Variants in EXOC6B observed in about 807,000 individuals in gnomAD.
EXOC6B encodes the protein SEC15 homolog B.
Under a neutral mutation model 113.5 loss-of-function variants are expected in EXOC6B, and 54 were observed. That is an observed-to-expected ratio of 0.48 (90% CI 0.38 to 0.60). EXOC6B has a LOEUF of 0.60. EXOC6B is among the 20% of genes least tolerant of loss of function. The pLI, the probability that EXOC6B is intolerant of heterozygous loss-of-function variation, is 0.00. For missense variants in EXOC6B, 797 were observed against 977.5 expected (o/e 0.82, Z 2.46); for synonymous variants, 357 against 339.0 (o/e 1.05, Z -0.58).
intron 6 of EXOC6B, among the ~76,000 whole-genome samples, chr2:72,682,981 C>T (rs1676821113): frequency 6.6e-6 from 1 of 152,186 alleles, no homozygotes; most frequent in Admixed American, 6.5e-5. Flanking sequence ...CTATTCCTAA[C>T]TCCAACTAAT....
At chr2:72,396,591 T>G (rs1353182030) in intron 18 of EXOC6B, among the ~76,000 whole-genome samples, 7 of 152,080 alleles carry the variant, frequency 4.6e-5, no homozygotes, top group Admixed American at 4.6e-4. Flanking sequence ...TACTTAGGAC[T>G]CAGAATATGG....
intron 18 of EXOC6B, among the ~76,000 whole-genome samples, chr2:72,406,290 T>C (rs1693757333): frequency 6.6e-6 from 1 of 152,048 alleles, no homozygotes. Context: ...ATTAGACAGA[T>C]CAATGAGACA....
chr2:72,764,512 G>A (rs574766923), intron 1 of EXOC6B, among the ~76,000 whole-genome samples: 4 of 151,338 alleles, frequency 2.6e-5, no homozygotes, highest in Non-Finnish European at 5.9e-5. Context: ...GCTGAGACTA[G>A]AGGCATGTGC....
intron 17 of EXOC6B, among the ~76,000 whole-genome samples, chr2:72,476,698 A>AT (rs555556677): frequency 4.7e-4 from 71 of 151,378 alleles, no homozygotes; most frequent in Non-Finnish European, 8.7e-4. Flanking sequence ...TAGAATGTTT[A>AT]TTTTTTTAAA....
chr2:72,660,209 AT>A (rs1186044141), intron 6 of EXOC6B, among the ~76,000 whole-genome samples: 2 of 151,972 alleles, frequency 1.3e-5, no homozygotes, highest in Non-Finnish European at 2.9e-5. Context: ...AAAAAAAAAA[AT>A]AAAGCCATTG....
intron 11 of EXOC6B, among the ~76,000 whole-genome samples, chr2:72,511,369 AT>A (rs764156193): frequency 6.6e-5 from 10 of 152,116 alleles, no homozygotes; most frequent in Non-Finnish European, 5.9e-5. Context: ...TCACCTAAGC[AT>A]TTCCTTGATA....
At chr2:72,571,078 A>G (rs1704485398) in intron 7 of EXOC6B, among the ~76,000 whole-genome samples, 1 of 152,210 alleles carries the variant, frequency 6.6e-6, no homozygotes, top group Admixed American at 6.5e-5. Context: ...ATCTTCAAAT[A>G]TCTCAAAATT....
intron 6 of EXOC6B, among the ~76,000 whole-genome samples, chr2:72,700,240 A>ACACACT (rs1678216596): frequency 6.7e-6 from 1 of 149,120 alleles, no homozygotes; most frequent in South Asian, 2.1e-4. Context: ...CCACAGAAAC[A>ACACACT]CACACACACA....
chr2:72,484,238 T>G (rs949384664), intron 16 of EXOC6B, among the ~76,000 whole-genome samples: 6 of 151,744 alleles, frequency 4.0e-5, no homozygotes, highest in African/African-American at 1.5e-4. Flanking sequence ...GGTGGTTTGC[T>G]GCACCTATTG....
At chr2:72,422,654 G>A (rs529714733) in intron 18 of EXOC6B, among the ~76,000 whole-genome samples, 3 of 146,764 alleles carry the variant, frequency 2.0e-5, no homozygotes, top group Non-Finnish European at 4.5e-5. Context: ...TCTAGCTGCT[G>A]TGGTAGGGCC....
intron 19 of EXOC6B, among the ~76,000 whole-genome samples, chr2:72,368,519 C>T (rs1376158414): frequency 1.3e-5 from 2 of 152,188 alleles, no homozygotes; most frequent in Non-Finnish European, 2.9e-5. Flanking sequence ...TTTTATGAGG[C>T]CAGCATCATC....
At chr2:72,517,921 A>T (rs1299677034) in intron 8 of EXOC6B, among the ~76,000 whole-genome samples, 4 of 152,216 alleles carry the variant, frequency 2.6e-5, no homozygotes, top group Non-Finnish European at 4.4e-5. Context: ...CAATAGGATA[A>T]AAACAAAAGA....
At chr2:72,547,744 A>G (rs906184092) in intron 8 of EXOC6B, among the ~76,000 whole-genome samples, 2 of 152,178 alleles carry the variant, frequency 1.3e-5, no homozygotes, top group African/African-American at 4.8e-5. Flanking sequence ...CTGAATCAAT[A>G]AAGTTCATAA....
At chr2:72,188,645 A>G (rs1678604920) in intron 20 of EXOC6B, among the ~76,000 whole-genome samples, 1 of 152,176 alleles carries the variant, frequency 6.6e-6, no homozygotes, top group East Asian at 1.9e-4. Context: ...ACTGACTTTC[A>G]AGGTCAATCA....
chr2:72,567,288 C>T (rs924056857), intron 7 of EXOC6B, among the ~76,000 whole-genome samples: 1 of 151,952 alleles, frequency 6.6e-6, no homozygotes, highest in Non-Finnish European at 1.5e-5. Flanking sequence ...ACTGTAGGAT[C>T]AAAAGAACTG....
At chr2:72,748,770 G>A (rs1410621916) in intron 1 of EXOC6B, among the ~76,000 whole-genome samples, 14 of 151,964 alleles carry the variant, frequency 9.2e-5, no homozygotes, top group Admixed American at 8.5e-4. Flanking sequence ...AAGCAGGGTG[G>A]AGCAGCTTCA....
At chr2:72,674,659 G>A (rs927420486) in intron 6 of EXOC6B, among the ~76,000 whole-genome samples, 10 of 151,754 alleles carry the variant, frequency 6.6e-5, no homozygotes, top group African/African-American at 1.2e-4. Flanking sequence ...GTGAAACCCC[G>A]TCTCTACTAA....
intron 6 of EXOC6B, among the ~76,000 whole-genome samples, chr2:72,659,605 A>C (rs527799088): frequency 6.6e-6 from 1 of 152,216 alleles, no homozygotes; most frequent in African/African-American, 2.4e-5. Context: ...TTTGCATCCA[A>C]AATTTCACTA....
At chr2:72,726,304 G>A (rs1040462429) in intron 5 of EXOC6B, among the ~76,000 whole-genome samples, 2 of 152,170 alleles carry the variant, frequency 1.3e-5, no homozygotes, top group South Asian at 2.1e-4. Flanking sequence ...TTACAACCAC[G>A]TGAATGTACT....
Sources: gnomAD v4.1 joint callset for allele counts (sites outside exome capture counted in the v4.1 genomes callset) on GRCh38, gnomAD v4.1.1 for gene constraint, MANE v1.5 for transcripts, NCBI Gene and HGNC (gene_info 2026-07-23, HGNC 2026-07-21) for gene names.